CNTNAP5: variants seen among roughly 807,000 people sequenced by gnomAD.
The protein encoded by CNTNAP5 is contactin associated protein family member 5.
A neutral mutation model predicts 150.2 loss-of-function variants in CNTNAP5; 72 were observed. The observed-to-expected ratio is 0.48, with a 90% confidence interval of 0.40 to 0.58. CNTNAP5 has a LOEUF of 0.58. CNTNAP5 is among the 20% of genes least tolerant of loss of function. The pLI, the probability that CNTNAP5 is intolerant of heterozygous loss-of-function variation, is 0.00. For synonymous variants in CNTNAP5, 672 were observed against 619.8 expected, an observed-to-expected ratio of 1.08 and a Z score of -1.25; for missense variants, 1,636 against 1,626.2, an observed-to-expected ratio of 1.01 and a Z score of -0.10.
intron 1 of CNTNAP5, among the ~76,000 whole-genome samples, chr2:124,209,297 A>AC (rs1013665592): frequency 6.6e-6 from 1 of 152,128 alleles, no homozygotes; most frequent in Non-Finnish European, 1.5e-5. Flanking sequence ...TGCGTTGCCT[A>AC]CCCAGTTAAT....
chr2:124,251,457 G>T (rs1307580274), intron 3 of CNTNAP5, among the ~76,000 whole-genome samples: 6 of 118,692 alleles, frequency 5.1e-5, no homozygotes, highest in Non-Finnish European at 1.0e-4. Flanking sequence ...CAACTTGAAC[G>T]CTGTGGGTGC....
At chr2:124,462,663 T>G (rs2104822512) in intron 6 of CNTNAP5, among the ~76,000 whole-genome samples, 1 of 152,280 alleles carries the variant, frequency 6.6e-6, no homozygotes, top group South Asian at 2.1e-4. Context: ...TGGGCTAAAT[T>G]ACTGTAATCC....
At chr2:124,696,255 T>C (rs986145715) in intron 13 of CNTNAP5, among the ~76,000 whole-genome samples, 1 of 152,154 alleles carries the variant, frequency 6.6e-6, no homozygotes, top group Non-Finnish European at 1.5e-5. Context: ...TAGCAAGAAT[T>C]CTTTTGCTGG....
At chr2:124,478,768 G>A (rs1023873086) in intron 7 of CNTNAP5, among the ~76,000 whole-genome samples, 8 of 152,112 alleles carry the variant, frequency 5.3e-5, no homozygotes, top group African/African-American at 1.2e-4. Context: ...TCTAGTGTTC[G>A]CAGACTCTCT....
chr2:124,347,828 A>T (rs1468814398), intron 3 of CNTNAP5, among the ~76,000 whole-genome samples: 1 of 146,138 alleles, frequency 6.8e-6, no homozygotes, highest in Non-Finnish European at 1.5e-5. Context: ...CTCCTTGACA[A>T]TTTTTTTTTT....
chr2:124,380,359 G>A (rs1043615059), intron 3 of CNTNAP5, among the ~76,000 whole-genome samples: 3 of 152,078 alleles, frequency 2.0e-5, no homozygotes, highest in Non-Finnish European at 4.4e-5. Flanking sequence ...TGCAATGCTC[G>A]TAGTTTTTCA....
At chr2:124,358,026 C>G (rs1225925442) in intron 3 of CNTNAP5, among the ~76,000 whole-genome samples, 2 of 151,334 alleles carry the variant, frequency 1.3e-5, no homozygotes, top group African/African-American at 2.4e-5. Flanking sequence ...CCTTCACATC[C>G]CTTGTAAGTT....
intron 16 of CNTNAP5, among the ~76,000 whole-genome samples, chr2:124,765,221 T>C (rs1465218052): frequency 6.6e-6 from 1 of 152,100 alleles, no homozygotes; most frequent in Non-Finnish European, 1.5e-5. Context: ...TACATGTCTC[T>C]GCAAGCAAAA....
chr2:124,295,444 A>G (rs1688400779), intron 3 of CNTNAP5, among the ~76,000 whole-genome samples: 1 of 152,218 alleles, frequency 6.6e-6, no homozygotes, highest in Admixed American at 6.5e-5. Flanking sequence ...GAAATGAGTT[A>G]ATTTTCCTTC....
chr2:124,865,439 A>G lies in CNTNAP5; in HGVS notation c.3348+3A>G, dbSNP rs1417843325. On this transcript the variant is annotated splice_donor_region_variant and intron_variant, in intron 20 of 23. Coordinates refer to ENST00000682447, the MANE Select transcript of CNTNAP5 (RefSeq NM_001367498.1). The stretch of plus-strand genomic sequence containing the variant: ...AGGGAAGAGAGCTTACCATTCAGGT[A>G]CCTTCCTTACTTTCTCCTGCTTCAG... The G allele has an allele frequency of 6.4e-6, 10 of 1,551,168 alleles. No individual in the cohort carries two copies. Among genetic ancestry groups the G allele is most frequent in the Admixed American group, 2.0e-5 (1 of 50,936 alleles).
Position 124,911,598 on chromosome 2 carries a change from A to G in CNTNAP5, c.3727+60A>G, listed in dbSNP as rs375502318. On this transcript the variant is annotated intron_variant, in intron 23 of 23. Transcript: ENST00000682447. ...ATAAACGATCCTGTATTCTGGAGAA[A>G]GTTATCTGAAGCTTTCCTTAATTAT... 4.9e-5 allele frequency: 65 copies of G among 1,322,656 alleles called. No homozygotes were observed. In the African/African-American group the frequency reaches 8.9e-4, roughly 18 times the overall value. 81.9% of individuals were successfully genotyped at this position (1,322,656 alleles called of 1,614,324 possible). A position where few individuals can be genotyped will look rare whatever the true frequency, so the allele number is the denominator to read the frequency against.
chr2:124,197,294 A>G (rs1019420153), intron 1 of CNTNAP5, among the ~76,000 whole-genome samples: 7 of 151,914 alleles, frequency 4.6e-5, no homozygotes, highest in Admixed American at 1.3e-4. Context: ...TTTTCTTAAG[A>G]AAGTTTTACC....
chr2:124,766,374 T>C (rs1017081753), intron 16 of CNTNAP5, among the ~76,000 whole-genome samples: 2 of 151,234 alleles, frequency 1.3e-5, no homozygotes, highest in Middle Eastern at 3.2e-3. Flanking sequence ...GCAACAGAAA[T>C]TGGAAACTTG....
intron 16 of CNTNAP5, 79 bp downstream of exon 16, chr2:124,764,226 TG>T: frequency 9.0e-7 from 1 of 1,106,616 alleles, no homozygotes; most frequent in Non-Finnish European, 1.4e-6. Context: ...CAGTCACTAG[TG>T]GGCATTTGTA....
At chr2:124,770,206 C>T (rs992806426) in intron 16 of CNTNAP5, among the ~76,000 whole-genome samples, 1 of 152,160 alleles carries the variant, frequency 6.6e-6, no homozygotes, top group African/African-American at 2.4e-5. Context: ...AAAATGAGAA[C>T]TTCCTGTATA....
chr2:124,026,892 AT>A (rs1426211193), intron 1 of CNTNAP5, among the ~76,000 whole-genome samples: 1 of 152,230 alleles, frequency 6.6e-6, no homozygotes. Context: ...GACCCTGTGC[AT>A]TTATCCCCGG....
intron 1 of CNTNAP5, among the ~76,000 whole-genome samples, chr2:124,199,415 T>TTA (rs1215405625): frequency 3.6e-5 from 5 of 139,544 alleles, no homozygotes; most frequent in Admixed American, 7.1e-5. Context: ...CCAAGGTTCT[T>TTA]TTTTTTTTTT....
At chr2:124,561,133 G>C (rs550939941) in intron 10 of CNTNAP5, among the ~76,000 whole-genome samples, 1 of 107,716 alleles carries the variant, frequency 9.3e-6, no homozygotes, top group South Asian at 2.9e-4. Context: ...GGAGGGGATG[G>C]GCTGGGGCAA....
intron 12 of CNTNAP5, among the ~76,000 whole-genome samples, chr2:124,641,853 G>T (rs953937153): frequency 4.6e-5 from 7 of 152,172 alleles, no homozygotes; most frequent in African/African-American, 1.4e-4. Context: ...ACAGATATGT[G>T]TGTAGAATGA....
Sources: allele counts gnomAD v4.1 joint callset (sites outside exome capture counted in the v4.1 genomes callset), GRCh38; gene constraint gnomAD v4.1.1; transcripts MANE v1.5; gene names NCBI Gene and HGNC (gene_info 2026-07-23, HGNC 2026-07-21).